ITGA10: variants seen among roughly 807,000 people sequenced by gnomAD.
ITGA10 encodes integrin alpha-10.
Under a neutral mutation model 145.2 loss-of-function variants are expected in ITGA10, and 105 were observed. The observed-to-expected ratio is 0.72, with a 90% CI of 0.62 to 0.85. The LOEUF is 0.85. Among genes scored for constraint, ITGA10 ranks in the 40% least tolerant of loss-of-function variants. The probability of loss-of-function intolerance (pLI) is 0.00; values close to 1 mark genes in which losing one functional copy is unlikely to be tolerated. For synonymous variants in ITGA10, 506 were observed against 557.8 expected (o/e 0.91, Z 1.31); for missense variants, 1,317 against 1,444.5 (o/e 0.91, Z 1.43).
In ITGA10 at chr1:145,899,128, G is replaced by T. The variant is rs587702393; in HGVS notation, c.2089+47C>A. On this transcript the variant is annotated intron_variant, in intron 16 of 29. Coordinates refer to ENST00000369304, the MANE Select transcript of ITGA10 (RefSeq NM_003637.5). ...GGTGGAAAGGGGTCTAGTGAGGAAG[G>T]CATGCAAGGAATTGAGAGTTGCCTG... 11 of 1,614,230 alleles carry T rather than the reference G, an allele frequency of 6.8e-6. No individual in the cohort carries two copies. The East Asian group carries it at 1.8e-4, about 26-fold the overall frequency.
Position 145,909,957 on chromosome 1 carries a change from C to T in ITGA10, c.52+6G>A. On this transcript the variant is annotated splice_donor_region_variant and intron_variant, in intron 1 of 29. Transcript: ENST00000369304. ...CACCAGAAACCAAGAAGTTAACTTC[C>T]CTCACCTGTCAGGAACACCAGGGGC... 3 of 1,612,194 alleles carry T rather than the reference C, an allele frequency of 1.9e-6. No homozygotes were observed. The highest frequency in any genetic ancestry group is 1.7e-6 in the Non-Finnish European group (2 of 1,178,578).
chr1:145,906,085 C>G (rs191670719), intron 5 of ITGA10: 30 of 303,074 alleles, frequency 9.9e-5, no homozygotes, highest in African/African-American at 6.1e-4. Context: ...GCGCACCCAG[C>G]TAATTTTTGT....
In ITGA10 at chr1:145,896,108, G is replaced by T; in HGVS notation, c.2920-12C>A. The T allele has an allele frequency of 1.2e-6, 2 of 1,607,982 alleles. No individual in the cohort carries two copies. The highest frequency in any genetic ancestry group is 2.2e-5 in the East Asian group (1 of 44,848). On this transcript the variant is annotated splice_polypyrimidine_tract_variant and intron_variant, in intron 24 of 29. Transcript: ENST00000369304. ...CCTAGGTTCTGAACCTAAGAGGAAG[G>T]TTGGGAATAGGAAGAAGTGGGAGAC... is the stretch of plus-strand genomic sequence containing the variant.
intron 2 of ITGA10, 45 bp from the exon 3 acceptor site, chr1:145,907,195 C>A (rs1657274150): frequency 6.4e-7 from 1 of 1,562,048 alleles, no homozygotes; most frequent in Non-Finnish European, 8.7e-7. Context: ...GCAAACATGA[C>A]CCTTGACATA....
intron 2 of ITGA10, 42 bp downstream of exon 2, chr1:145,907,312 T>C: frequency 1.2e-6 from 2 of 1,614,108 alleles, no homozygotes; most frequent in Non-Finnish European, 1.7e-6. Context: ...TTGTTAGCAC[T>C]ACTGCAGTCC....
intron 5 of ITGA10, 43 bp from the exon 6 acceptor site, chr1:145,904,854 G>A: frequency 1.3e-6 from 2 of 1,595,358 alleles, no homozygotes; most frequent in Non-Finnish European, 1.7e-6. Flanking sequence ...ACTGAGCTGG[G>A]GGCAACAAGG....
In ITGA10 at chr1:145,902,859, T is replaced by G; in HGVS notation, c.861A>C (p.Ala287=). ...TTCCAGCCTCACAGGCCTTTAGTGCTGCAGGAAGCTCCTCTCCATCATGGG... is the reference window on the plus strand; with the variant it reads ...TTCCAGCCTCACAGGCCTTTAGTGCGGCAGGAAGCTCCTCTCCATCATGGG... ...GESHDGEELP[A]ALKACEAGRV... is the part of the protein sequence containing the mutation. Residue 287 remains alanine, a synonymous_variant, in exon 8 of 30, where the codon GCA becomes GCC. Transcript: ENST00000369304. 1 of 1,613,950 alleles carries G rather than the reference T, an allele frequency of 6.2e-7. No individual in the cohort carries two copies. Among genetic ancestry groups the G allele is most frequent in the Non-Finnish European group, 8.5e-7 (1 of 1,179,930 alleles).
chr1:145,908,410 C>G (rs1444301114), intron 1 of ITGA10, among the ~76,000 whole-genome samples: 1 of 152,162 alleles, frequency 6.6e-6, no homozygotes, highest in East Asian at 1.9e-4. Context: ...GTCCCATCAT[C>G]CTGAAGTTTC....
rs1656057493 is a variant in ITGA10, at chr1:145,900,169, T to C, written c.1810A>G (p.Met604Val). Reference sequence around the variant, plus strand: ...CCAAAGTAGCTGAGGGCATGTGGCATGGAGGCAGCAGCAATCCTCTGAGAG... The same window carrying C: ...CCAAAGTAGCTGAGGGCATGTGGCACGGAGGCAGCAGCAATCCTCTGAGAG... ...HPAQRIAAAS[M>V]PHALSYFGRS... Residue 604 changes from methionine to valine, a missense_variant, in exon 15 of 30, where the codon ATG becomes GTG. Met to Val is a conservative substitution (Grantham distance 21). Coordinates refer to ENST00000369304, the MANE Select transcript of ITGA10 (RefSeq NM_003637.5). The C allele has an allele frequency of 1.2e-6, 2 of 1,613,384 alleles. No homozygotes were observed. The highest frequency in any genetic ancestry group is 1.7e-6 in the Non-Finnish European group (2 of 1,179,670).
In ITGA10 at chr1:145,902,824, CGT is replaced by C; in HGVS notation, c.894_895del (p.Arg299LeufsTer24). 1 of 1,610,368 alleles carries C rather than the reference CGT, an allele frequency of 6.2e-7. No homozygotes were observed. Among genetic ancestry groups the C allele is most frequent in the Non-Finnish European group, 8.5e-7 (1 of 1,178,148 alleles). On this transcript the variant is annotated frameshift_variant, in exon 8 of 30. Transcript: ENST00000369304. LOFTEE classifies it high-confidence loss of function. The stretch of plus-strand genomic sequence containing the variant: ...GTGAATTCTCACTGCAATCCCATAG[CGT>C]GTCACTCTTCCAGCCTCACAGGCCT...
intron 14 of ITGA10, 133 bp downstream of exon 14, chr1:145,900,657 T>C (rs1559200885): frequency 4.5e-6 from 4 of 882,016 alleles, no homozygotes; most frequent in Non-Finnish European, 7.1e-6. Context: ...GTCCACTGCC[T>C]TATGTTTTTG....
chr1:145,900,011 C>G (rs1553747356), intron 15 of ITGA10, 46 bp downstream of exon 15: 16 of 1,555,594 alleles, frequency 1.0e-5, no homozygotes, highest in Non-Finnish European at 1.4e-5. Flanking sequence ...TTGCCTTTAA[C>G]AGCTATGCTA....
At position 145,892,834 on chromosome 1, in the gene ITGA10, A is replaced by G. The variant is rs41313876; in HGVS notation, c.3468T>C (p.Pro1156=). The change falls in exon 30 of 30, where the codon CCT becomes CCC. Residue 1156 remains proline, a synonymous_variant. Coordinates refer to ENST00000369304, the MANE Select transcript of ITGA10 (RefSeq NM_003637.5). ...KLGFFAHKKI[P]EEEKREEKLE... is the part of the protein sequence containing the mutation. The stretch of plus-strand genomic sequence containing the variant: ...ACTTCTCTTCTCTTTTTTCTTCCTC[A>G]GGGATTTTCTTATGGGCAAAGAAGC... 2.3e-3 allele frequency: 3,723 copies of G among 1,613,822 alleles called. 12 individuals carry two copies. Among genetic ancestry groups the G allele is most frequent in the Non-Finnish European group, 3.0e-3 (3,501 of 1,179,742 alleles).
chr1:145,909,566 TATATA>T (rs1210791205), intron 1 of ITGA10, among the ~76,000 whole-genome samples: 1 of 136,936 alleles, frequency 7.3e-6, no homozygotes, highest in South Asian at 2.1e-4. Flanking sequence ...ATGTATATTA[TATATA>T]ATATATAATT....
At chr1:145,902,647 G>A in intron 8 of ITGA10, 28 bp from the exon 9 acceptor site, 2 of 1,577,152 alleles carry the variant, frequency 1.3e-6, no homozygotes, top group Non-Finnish European at 1.7e-6. Context: ...CAAGGAATGA[G>A]GCATTAGAGT....
rs1553751109 is a variant in ITGA10 at position 145,906,521 on chromosome 1, G to A, written c.367-13C>T. 6.2e-7 allele frequency: 1 copy of A among 1,608,952 alleles called. No homozygotes were observed. The highest frequency in any genetic ancestry group is 2.2e-5 in the East Asian group (1 of 44,844). On this transcript the variant is annotated splice_polypyrimidine_tract_variant and intron_variant, in intron 4 of 29. Transcript: ENST00000369304. ...GAGGGGCACAGGCCTGGGGATGGGG[G>A]AAATAGTTACTCCCAGGCTTGGGAG...
At chr1:145,905,472 G>A (rs1471150487) in intron 5 of ITGA10, among the ~76,000 whole-genome samples, 3 of 152,046 alleles carry the variant, frequency 2.0e-5, no homozygotes, top group Non-Finnish European at 2.9e-5. Context: ...GCAGAGACAG[G>A]GTTTTACTCT....
At chr1:145,898,080 G>T (rs1302395887) in intron 18 of ITGA10, 30 bp downstream of exon 18, 5 of 1,517,204 alleles carry the variant, frequency 3.3e-6, no homozygotes, top group Non-Finnish European at 4.6e-6. Context: ...GCAGTGTTGG[G>T]AGCAAGGGGC....
intron 6 of ITGA10, among the ~76,000 whole-genome samples, chr1:145,904,440 G>A (rs1553750404): frequency 6.6e-6 from 1 of 152,006 alleles, no homozygotes; most frequent in Non-Finnish European, 1.5e-5. Context: ...TGTGATCAAA[G>A]CTCACTACAG....
Sources: allele counts gnomAD v4.1 joint callset (sites outside exome capture counted in the v4.1 genomes callset), GRCh38; gene constraint gnomAD v4.1.1; transcripts MANE v1.5; gene names NCBI Gene and HGNC (gene_info 2026-07-23, HGNC 2026-07-21).